The following SHKBP1 variants were observed in gnomAD, a reference collection of about 807,000 sequenced individuals.
SHKBP1 encodes the protein SH3KBP1 binding protein 1, also known as SH3KBP1-binding protein 1.
In SHKBP1, 71 loss-of-function variants were observed where a neutral mutation model predicts 83.9. The observed-to-expected ratio is 0.85, with a 90% CI of 0.70 to 1.03. The LOEUF (loss-of-function observed/expected upper bound fraction) is 1.03. Among genes scored for constraint, SHKBP1 ranks in the 50% least tolerant of loss-of-function variants. SHKBP1 has a pLI of 0.00. For missense variants in SHKBP1, 824 were observed against 982.4 expected (o/e 0.84, Z 2.16); for synonymous variants, 371 against 398.0 (o/e 0.93, Z 0.81).
chr19:40,582,231 A>C, intron 9 of SHKBP1, 120 bp from the exon 10 acceptor site: 1 of 797,642 alleles, frequency 1.3e-6, no homozygotes, highest in Non-Finnish European at 2.2e-6. Context: ...CCCTGATGGA[A>C]TCTTCTATCC....
intron 10 of SHKBP1, 58 bp from the exon 11 acceptor site, chr19:40,583,340 C>A: frequency 1.4e-6 from 2 of 1,428,780 alleles, no homozygotes; most frequent in Non-Finnish European, 9.5e-7. Flanking sequence ...GAGGGGTCAC[C>A]ACGGAAGGAA....
intron 10 of SHKBP1, among the ~76,000 whole-genome samples, chr19:40,582,775 GC>G (rs1274214030): frequency 6.6e-6 from 1 of 152,164 alleles, no homozygotes; most frequent in Non-Finnish European, 1.5e-5. Flanking sequence ...AACTGGCTTG[GC>G]TCGGTGGCTC....
At position 40,588,728 on chromosome 19, in the gene SHKBP1, G is replaced by T. The variant is rs748994274; in HGVS notation, c.1441G>T (p.Ala481Ser). ...CCCACTCGCTTCCTTTAAGATCCTG[G>T]CTCTGGAGTCGGCAGATGGGCATGG... ...STPLASFKIL[A>S]LESADGHGGC... Residue 481 changes from alanine to serine, a missense_variant, in exon 14 of 18, where the codon GCT becomes TCT. Transcript: ENST00000291842. The T allele has an allele frequency of 1.2e-6, 2 of 1,613,972 alleles. No homozygotes were observed. Among genetic ancestry groups the T allele is most frequent in the Non-Finnish European group, 1.7e-6 (2 of 1,180,042 alleles).
Position 40,591,203 on chromosome 19 carries a change from T to C in SHKBP1, c.2120T>C (p.Phe707Ser), listed in dbSNP as rs1410859624. The change falls in exon 18 of 18, where the codon TTT becomes TCT. Residue 707 changes from phenylalanine (F) to serine (S), a missense_variant. This residue lies in a region of SHKBP1 where 287 missense variants were observed against 322.9 expected (regional missense o/e 0.89). Transcript: ENST00000291842. ...AAGATGAAGCTCAATGAAACTTCCT[T>C]TTGAACAACGCAGCTGCCATGATGC... is the stretch of plus-strand genomic sequence containing the variant. ...PPKMKLNETS[F>S] 1 of 1,579,560 alleles carries C rather than the reference T, an allele frequency of 6.3e-7. No homozygotes were observed. The highest frequency in any genetic ancestry group is 1.3e-5 in the African/African-American group (1 of 74,376).
intron 12 of SHKBP1, 50 bp downstream of exon 12, chr19:40,583,767 C>G (rs1216951135): frequency 7.0e-7 from 1 of 1,435,790 alleles, no homozygotes; most frequent in Non-Finnish European, 9.8e-7. Context: ...CAGCCCCAGC[C>G]CCAGCCTGCA....
intron 6 of SHKBP1, among the ~76,000 whole-genome samples, chr19:40,579,740 T>A (rs2081251186): frequency 6.6e-6 from 1 of 151,906 alleles, no homozygotes; most frequent in Non-Finnish European, 1.5e-5. Flanking sequence ...TTATTAAAAG[T>A]GAAAATTAGG....
intron 9 of SHKBP1, among the ~76,000 whole-genome samples, chr19:40,581,390 C>G (rs1352790913): frequency 1.3e-5 from 2 of 151,986 alleles, no homozygotes; most frequent in South Asian, 2.1e-4. Context: ...TGGCACGTGC[C>G]TGTAATCCCA....
Position 40,577,255 on chromosome 19 carries a change from C to A in SHKBP1, c.111C>A (p.Leu37=), listed in dbSNP as rs377544479. ...GKRFSTSRQT[L]TWIPDSFFSS... is the part of the protein sequence containing the mutation. Reference sequence around the variant, plus strand: ...GATTCAGTACCTCTCGCCAGACTCTCACCTGGATCCCAGACTCCTTCTTCT... The same window carrying A: ...GATTCAGTACCTCTCGCCAGACTCTAACCTGGATCCCAGACTCCTTCTTCT... Residue 37 remains leucine (L), a synonymous_variant, in exon 2 of 18, where the codon CTC becomes CTA. Coordinates refer to ENST00000291842, the MANE Select transcript of SHKBP1 (RefSeq NM_138392.4). The A allele has an allele frequency of 3.1e-6, 5 of 1,614,056 alleles. No homozygotes were observed. The highest frequency in any genetic ancestry group is 4.2e-6 in the Non-Finnish European group (5 of 1,180,018).
rs1338827176 is a variant in SHKBP1 at position 40,591,050 on chromosome 19, G to GGCGCC, written c.1969_1973dup (p.Gly659AlafsTer44). 1.9e-6 allele frequency: 3 copies of GGCGCC among 1,612,858 alleles called. No homozygotes were observed. In the Admixed American group the frequency reaches 5.0e-5, roughly 27 times the overall value. On this transcript the variant is annotated frameshift_variant, in exon 18 of 18. Transcript: ENST00000291842. LOFTEE classifies it high-confidence loss of function. ...CCAAGCCCCCCGCAGGCTGAGGCCC[G>GGCGCC]GCGCCGTGGTGGGGGCAGCTTTGTG... is the stretch of plus-strand genomic sequence containing the variant.
intron 6 of SHKBP1, 51 bp downstream of exon 6, chr19:40,578,593 A>G (rs371106166): frequency 2.6e-6 from 4 of 1,536,604 alleles, no homozygotes; most frequent in Non-Finnish European, 3.6e-6. Flanking sequence ...CAAAGACTAC[A>G]TTTCCCATAA....
At position 40,589,084 on chromosome 19, in the gene SHKBP1, C is replaced by T; in HGVS notation, c.1495C>T (p.Pro499Ser). The T allele has an allele frequency of 1.2e-6, 2 of 1,612,012 alleles. No homozygotes were observed. Among genetic ancestry groups the T allele is most frequent in the South Asian group, 2.2e-5 (2 of 91,084 alleles). ...GGCSAGNDIG[P>S]YGERDDQQVF... Reference sequence around the variant, plus strand: ...ACCCCTGCCCCTGCCTGGCCCAGGCCCCTACGGTGAGCGGGACGACCAGCA... The same window carrying T: ...ACCCCTGCCCCTGCCTGGCCCAGGCTCCTACGGTGAGCGGGACGACCAGCA... The change falls in exon 15 of 18, where the codon CCC (proline) becomes TCC (serine). Residue 499 changes from proline to serine, a missense_variant and splice_region_variant. This residue lies in a region of SHKBP1 where 287 missense variants were observed against 322.9 expected (regional missense o/e 0.89). Transcript: ENST00000291842.
intron 13 of SHKBP1, among the ~76,000 whole-genome samples, chr19:40,588,409 T>C (rs1265632278): frequency 6.6e-6 from 1 of 152,080 alleles, no homozygotes; most frequent in African/African-American, 2.4e-5. Flanking sequence ...GGGCAGAGGA[T>C]AGGGCAAGGT....
At position 40,577,601 on chromosome 19, in the gene SHKBP1, C is replaced by G. The variant is rs1381027173; in HGVS notation, c.231C>G (p.Asn77Lys). Residue 77 changes from asparagine to lysine, a missense_variant, in exon 4 of 18, where the codon AAC becomes AAG. Transcript: ENST00000291842. Reference sequence around the variant, plus strand: ...CTACAGTCTTCGCCCCCATCCTCAACTTCCTGCGCACCAAAGAGTTGGATC... The same window carrying G: ...CTACAGTCTTCGCCCCCATCCTCAAGTTCCTGCGCACCAAAGAGTTGGATC... ...RDPTVFAPIL[N>K]FLRTKELDPR... 6.2e-7 allele frequency: 1 copy of G among 1,614,150 alleles called. No individual in the cohort carries two copies. The highest frequency in any genetic ancestry group is 1.7e-5 in the Admixed American group (1 of 60,016).
chr19:40,578,506 G>A lies in SHKBP1; in HGVS notation c.364G>A (p.Gly122Arg), dbSNP rs760412120. 1.2e-6 allele frequency: 2 copies of A among 1,614,116 alleles called. No homozygotes were observed. Among genetic ancestry groups the A allele is most frequent in the Non-Finnish European group, 1.7e-6 (2 of 1,180,022 alleles). Residue 122 changes from glycine (G) to arginine (R), a missense_variant, in exon 6 of 18, where the codon GGA becomes AGA. By Grantham distance (125) the Gly-to-Arg change is moderately radical (BLOSUM62 -2). Transcript: ENST00000291842. ...AGAGGAGTTGGATCGATCTTCTTGT[G>A]GAAACGTCCTCTTCAATGGTTACCT... Reference protein sequence around the residue: ...LREELDRSSCGNVLFNGYLPP... With the variant: ...LREELDRSSCRNVLFNGYLPP...
chr19:40,580,186 T>A, intron 6 of SHKBP1, 138 bp from the exon 7 acceptor site: 1 of 966,060 alleles, frequency 1.0e-6, no homozygotes, highest in South Asian at 1.7e-5. Context: ...TCATGCTGTG[T>A]CACTGCACCA....
rs1413283526 is a variant in SHKBP1 at position 40,578,505 on chromosome 19, T to C, written c.363T>C (p.Cys121=). Residue 121 remains cysteine, a synonymous_variant, in exon 6 of 18, where the codon TGT becomes TGC. Transcript: ENST00000291842. The part of the protein sequence containing the change: ...QLREELDRSS[C]GNVLFNGYLP... ...GAGAGGAGTTGGATCGATCTTCTTG[T>C]GGAAACGTCCTCTTCAATGGTTACC... The C allele has an allele frequency of 2.5e-6, 4 of 1,614,058 alleles. No homozygotes were observed. The highest frequency in any genetic ancestry group is 1.7e-5 in the Admixed American group (1 of 59,988).
Position 40,577,230 on chromosome 19 carries a change from G to A in SHKBP1, c.87-1G>A. On this transcript the variant is annotated splice_acceptor_variant, in intron 1 of 17. Transcript: ENST00000291842. LOFTEE classifies it high-confidence loss of function. ...TGCGTCCGTTTACCTTCCCCGCCCA[G>A]ATTCAGTACCTCTCGCCAGACTCTC... is the stretch of plus-strand genomic sequence containing the variant. 1 of 1,613,528 alleles carries A rather than the reference G, an allele frequency of 6.2e-7. No individual in the cohort carries two copies.
At chr19:40,577,707 C>T in intron 4 of SHKBP1, 77 bp downstream of exon 4, 1 of 1,478,900 alleles carries the variant, frequency 6.8e-7, no homozygotes, top group Non-Finnish European at 9.4e-7. Flanking sequence ...TCTGAATGTC[C>T]ACGTGAGCTC....
Position 40,582,172 on chromosome 19 carries a change from T to G in SHKBP1, c.845-179T>G, listed in dbSNP as rs574246591. ...CCTGGCCTCAAATGATCCGCCCACC[T>G]GAGCCTCTCAAAGTGTTGGGATTAC... On this transcript the variant is annotated intron_variant, in intron 9 of 17. Transcript: ENST00000291842. 1.4e-4 allele frequency among the ~76,000 whole-genome samples: 22 copies of G among 152,258 alleles called. No homozygotes were observed. The East Asian group carries it at 4.1e-3, about 28-fold the overall frequency.
Sources: allele counts gnomAD v4.1 joint callset (sites outside exome capture counted in the v4.1 genomes callset), GRCh38; gene constraint gnomAD v4.1.1; regional missense constraint gnomAD v4.1.1; transcripts MANE v1.5; gene names NCBI Gene and HGNC (gene_info 2026-07-23, HGNC 2026-07-21).